The following ANGEL2 variants were observed in gnomAD, a reference collection of about 807,000 sequenced individuals.
ANGEL2 encodes angel homolog 2.
Under a neutral mutation model 66.0 loss-of-function variants are expected in ANGEL2, and 41 were observed. That is an observed-to-expected ratio of 0.62 (90% CI 0.48 to 0.81). The LOEUF (loss-of-function observed/expected upper bound fraction) is 0.81, where lower values mean the gene tolerates loss of function less well. Ranked by LOEUF, ANGEL2 falls within the 30% of genes least tolerant of loss-of-function variation. The probability of loss-of-function intolerance (pLI) is 0.00; values close to 1 mark genes in which losing one functional copy is unlikely to be tolerated. For missense variants in ANGEL2, 561 were observed against 641.6 expected, an observed-to-expected ratio of 0.87 and a Z score of 1.36; for synonymous variants, 208 against 226.5, an observed-to-expected ratio of 0.92 and a Z score of 0.73.
At chr1:213,006,662 G>A (rs2076337698) in intron 4 of ANGEL2, 1 of 153,540 alleles carries the variant, frequency 6.5e-6, no homozygotes, top group Admixed American at 6.5e-5. Flanking sequence ...GAGCTCAGAA[G>A]CTTATAGGTC....
chr1:213,010,504 G>A (rs2076476085), intron 2 of ANGEL2, among the ~76,000 whole-genome samples: 1 of 151,480 alleles, frequency 6.6e-6, no homozygotes, highest in Non-Finnish European at 1.5e-5. Context: ...CCTGGGAGGT[G>A]GAGCTTGCAG....
At position 213,007,021 on chromosome 1, in the gene ANGEL2, T is replaced by C. The variant is rs13374109; in HGVS notation, c.712+108A>G. 11,116 of 1,003,844 alleles carry C rather than the reference T, an allele frequency of 0.011. 847 individuals are homozygous for C. In the African/African-American group the frequency reaches 0.16, roughly 15 times the overall value. The allele number at this position is 1,003,844 out of a possible 1,614,324, so 62.2% of individuals were successfully genotyped here. A position where few individuals can be genotyped will look rare whatever the true frequency, so the allele number is the denominator to read the frequency against. On this transcript the variant is annotated intron_variant, in intron 4 of 8. Transcript: ENST00000366962. ...AAATGAGAGGATTACTTGAGCCCAGTAGGTTGAGGCTGTAGTGAGCCATGA... is the reference window on the plus strand; with the variant it reads ...AAATGAGAGGATTACTTGAGCCCAGCAGGTTGAGGCTGTAGTGAGCCATGA...
At position 212,995,157 on chromosome 1, in the gene ANGEL2, G is replaced by C; in HGVS notation, c.1519C>G (p.Leu507Val). 1.9e-6 allele frequency: 3 copies of C among 1,609,618 alleles called. No homozygotes were observed. Among genetic ancestry groups the C allele is most frequent in the Non-Finnish European group, 2.5e-6 (3 of 1,177,660 alleles). Reference sequence around the variant, plus strand: ...TCTGTAAGAAGTGACAGTCTAGCTAGAAGTTTCAAGCCACCAACCAAAGCA... The same window carrying C: ...TCTGTAAGAAGTGACAGTCTAGCTACAAGTTTCAAGCCACCAACCAAAGCA... ...EVALVGGLKL[L>V]ARLSLLTEQD... Residue 507 changes from leucine (L) to valine (V), a missense_variant, in exon 9 of 9, where the codon CTA becomes GTA. Transcript: ENST00000366962.
At chr1:213,006,728 T>C (rs2076340392) in intron 4 of ANGEL2, 1 of 169,850 alleles carries the variant, frequency 5.9e-6, no homozygotes, top group Non-Finnish European at 1.2e-5. Flanking sequence ...TTCTTACACA[T>C]CTTTCTGTTT....
At chr1:213,012,151 T>A (rs2076525131) in intron 2 of ANGEL2, among the ~76,000 whole-genome samples, 2 of 152,220 alleles carry the variant, frequency 1.3e-5, no homozygotes, top group Non-Finnish European at 2.9e-5. Context: ...TGTAGACTAC[T>A]TTCTGATAAC....
intron 1 of ANGEL2, 158 bp downstream of exon 1, chr1:213,015,455 C>G (rs987548579): frequency 4.1e-6 from 6 of 1,447,864 alleles, no homozygotes; most frequent in Non-Finnish European, 5.4e-6. Flanking sequence ...CGCTTGGTCT[C>G]TGGAGGCTCG....
chr1:212,996,616 CTG>C (rs2076015373), intron 8 of ANGEL2, among the ~76,000 whole-genome samples: 1 of 38,598 alleles, frequency 2.6e-5, no homozygotes, highest in South Asian at 1.4e-3. Flanking sequence ...GAGCGAGACT[CTG>C]TATCCAAAAA....
rs144514564 is a variant in ANGEL2 at position 213,003,504 on chromosome 1, A to G, written c.1134+1529T>C. ...CAGGGCTATTACTTGGCCTAGTTTC[A>G]ATATGGTTGTGCTTCAGGGAATATA... is the stretch of plus-strand genomic sequence containing the variant. On this transcript the variant is annotated intron_variant, in intron 5 of 8. Transcript: ENST00000366962. Among the ~76,000 whole-genome samples, 22 of 152,284 alleles carry G rather than the reference A, an allele frequency of 1.4e-4. No homozygotes were observed. In the East Asian group the frequency reaches 2.3e-3, roughly 16 times the overall value.
intron 2 of ANGEL2, chr1:213,011,467 A>C: frequency 9.0e-7 from 1 of 1,110,792 alleles, no homozygotes; most frequent in Non-Finnish European, 1.1e-6. Context: ...ACCTAGGAAG[A>C]ATGGACATAT....
In ANGEL2 at chr1:212,997,204, C is replaced by T; in HGVS notation, c.1434G>A (p.Val478=). 1 of 1,613,830 alleles carries T rather than the reference C, an allele frequency of 6.2e-7. No individual in the cohort carries two copies. The highest frequency in any genetic ancestry group is 8.5e-7 in the Non-Finnish European group (1 of 1,179,818). ...TTTCTGCAGAGTAGAAAATATAATCCACAGTTATGGCACTTCGGGAATGAC... is the reference window on the plus strand; with the variant it reads ...TTTCTGCAGAGTAGAAAATATAATCTACAGTTATGGCACTTCGGGAATGAC... ...TTCHSRSAIT[V]DYIFYSAEKE... is the part of the protein sequence containing the mutation. Residue 478 remains valine, a synonymous_variant, in exon 8 of 9, where the codon GTG becomes GTA. Transcript: ENST00000366962.
chr1:212,993,401 A>G lies in ANGEL2; in HGVS notation c.*1640T>C, dbSNP rs546228058. 2 of 152,342 alleles carry G rather than the reference A, an allele frequency of 1.3e-5. No individual in the cohort carries two copies. The highest frequency in any genetic ancestry group is 4.8e-5 in the African/African-American group (2 of 41,596). 9.4% of individuals were successfully genotyped at this position (152,342 alleles called of 1,614,324 possible). On this transcript the variant is annotated 3_prime_UTR_variant, in exon 9 of 9. Transcript: ENST00000366962. ...TTACTAGACAAATCTTATAATCCAC[A>G]TGCCTTCTCTGAGGTTTTCATCTGT...
Position 212,997,282 on chromosome 1 carries a change from T to A in ANGEL2, c.1356A>T (p.Ser452=), listed in dbSNP as rs1238973073. Residue 452 remains serine (S), a synonymous_variant, in exon 8 of 9, where the codon TCA becomes TCT. Transcript: ENST00000366962. ...CAGGAAAGTAATGTGAATAAACAGATGACAAACTGAAATGGTGCTGTAAAT... is the reference window on the plus strand; with the variant it reads ...CAGGAAAGTAATGTGAATAAACAGAAGACAAACTGAAATGGTGCTGTAAAT... ...SSNLQHHFSL[S]SVYSHYFPDT... 4 of 1,611,780 alleles carry A rather than the reference T, an allele frequency of 2.5e-6. No individual in the cohort carries two copies.
intron 3 of ANGEL2, 148 bp downstream of exon 3, chr1:213,008,062 C>G (rs2076389491): frequency 2.4e-6 from 2 of 818,912 alleles, no homozygotes; most frequent in Non-Finnish European, 3.7e-6. Flanking sequence ...CGGGGTTTCT[C>G]CATGTTGGTC....
chr1:212,996,634 AAAAAAAAT>A (rs1558167178), intron 8 of ANGEL2, among the ~76,000 whole-genome samples: 15 of 49,200 alleles, frequency 3.0e-4, no homozygotes, highest in East Asian at 1.7e-3. Context: ...AAAAAAAAAA[AAAAAAAAT>A]ATATATATAT....
intron 5 of ANGEL2, 101 bp from the exon 6 acceptor site, chr1:213,001,013 A>G: frequency 8.9e-7 from 1 of 1,123,558 alleles, no homozygotes; most frequent in Non-Finnish European, 1.3e-6. Flanking sequence ...AAAGTGGTAA[A>G]TTATTACCCT....
intron 1 of ANGEL2, 57 bp downstream of exon 1, chr1:213,015,556 C>T: frequency 1.9e-6 from 3 of 1,604,066 alleles, no homozygotes; most frequent in Middle Eastern, 1.7e-4. Flanking sequence ...GACGCCCGCC[C>T]GCTCTTTCAG....
chr1:212,998,447 T>A (rs1183500957), intron 7 of ANGEL2, among the ~76,000 whole-genome samples: 1 of 151,462 alleles, frequency 6.6e-6, no homozygotes, highest in African/African-American at 2.4e-5. Context: ...CTCTTATCTA[T>A]CAATTTTTCA....
rs1205246257 is a variant in ANGEL2 at position 213,013,237 on chromosome 1, G to A, written c.241C>T (p.Pro81Ser). The change falls in exon 2 of 9, where the codon CCC (proline) becomes TCC (serine). Residue 81 changes from proline to serine, a missense_variant. Pro to Ser is a moderately conservative substitution (Grantham distance 74). Transcript: ENST00000366962. ...TGAGTTCTAGACTCAAACAAACAGGGTGGTCTCCAATTTAGTGAAAAATGC... is the reference window on the plus strand; with the variant it reads ...TGAGTTCTAGACTCAAACAAACAGGATGGTCTCCAATTTAGTGAAAAATGC... The part of the protein sequence containing the change: ...SRHFSLNWRP[P>S]CLFESRTQFQ... The A allele has an allele frequency of 1.2e-6, 2 of 1,614,164 alleles. No homozygotes were observed. Among genetic ancestry groups the A allele is most frequent in the Admixed American group, 3.3e-5 (2 of 60,020 alleles).
Position 213,006,289 on chromosome 1 carries a change from G to A in ANGEL2, c.713-835C>T, listed in dbSNP as rs143378592. ...ATCCTGGCTAATACGGTGAAACCCC[G>A]TCTCTACTAAAAAAAATTCAAAAAA... On this transcript the variant is annotated intron_variant, in intron 4 of 8. Coordinates refer to ENST00000366962, the MANE Select transcript of ANGEL2 (RefSeq NM_144567.5). Among the ~76,000 whole-genome samples the A allele has an allele frequency of 2.8e-4, 42 of 152,028 alleles. No individual in the cohort carries two copies. The East Asian group carries it at 6.0e-3, about 22-fold the overall frequency.
Sources: allele counts gnomAD v4.1 joint callset (sites outside exome capture counted in the v4.1 genomes callset), GRCh38; gene constraint gnomAD v4.1.1; transcripts MANE v1.5; gene names NCBI Gene and HGNC (gene_info 2026-07-23, HGNC 2026-07-21).